The following JMJD1C variants were observed in gnomAD, a reference collection of about 807,000 sequenced individuals.
The protein encoded by JMJD1C is jumonji domain containing 1C, also known as jumonji domain-containing protein 1C.
JMJD1C carries 31 observed loss-of-function variants against 245.3 expected under a neutral mutation model. The observed-to-expected ratio is 0.13, with a 90% CI of 0.09 to 0.17. The LOEUF (loss-of-function observed/expected upper bound fraction) is 0.17, where lower values mean the gene tolerates loss of function less well. JMJD1C is among the 10% of genes least tolerant of loss of function. The pLI is 1.00. For synonymous variants in JMJD1C, 1,057 were observed against 1,017.4 expected, an observed-to-expected ratio of 1.04 and a Z score of -0.74; for missense variants, 2,691 against 3,000.2, an observed-to-expected ratio of 0.90 and a Z score of 2.41.
In JMJD1C at chr10:63,465,921, C is replaced by A. The variant is rs1279306586; in HGVS notation, c.-259G>T. 11 of 605,874 alleles carry A rather than the reference C, an allele frequency of 1.8e-5. 1 individual carries two copies. The highest frequency in any genetic ancestry group is 1.1e-4 in the African/African-American group (6 of 54,874). The allele number at this position is 605,874 out of a possible 1,614,324, so 37.5% of individuals were successfully genotyped here. On this transcript the variant is annotated 5_prime_UTR_variant, in exon 1 of 26. Coordinates refer to ENST00000399262, the MANE Select transcript of JMJD1C (RefSeq NM_032776.3). ...AAGAAAACTGAAACAAAACCCAACG[C>A]GGCCGTCGAAGACCCCGAGGCAGCC...
intron 1 of JMJD1C, among the ~76,000 whole-genome samples, chr10:63,400,102 C>A (rs1328885312): frequency 1.3e-5 from 2 of 152,100 alleles, no homozygotes; most frequent in African/African-American, 4.8e-5. Context: ...GATTTTTATA[C>A]CTACATAATA....
intron 1 of JMJD1C, among the ~76,000 whole-genome samples, chr10:63,389,915 T>C (rs1186258863): frequency 6.6e-6 from 1 of 152,166 alleles, no homozygotes; most frequent in Non-Finnish European, 1.5e-5. Flanking sequence ...TGGAAGTTCA[T>C]AATTAATACC....
At chr10:63,211,899 A>C (rs2133198019) in intron 8 of JMJD1C, among the ~76,000 whole-genome samples, 1 of 151,792 alleles carries the variant, frequency 6.6e-6, no homozygotes, top group South Asian at 2.1e-4. Flanking sequence ...ATTATTCACC[A>C]CAGCCAAGAG....
At chr10:63,391,539 C>CA (rs796538663) in intron 1 of JMJD1C, among the ~76,000 whole-genome samples, 5 of 148,258 alleles carry the variant, frequency 3.4e-5, no homozygotes, top group African/African-American at 4.9e-5. Flanking sequence ...ACAACAACAA[C>CA]AAAAAAGACA....
intron 1 of JMJD1C, among the ~76,000 whole-genome samples, chr10:63,408,318 A>G (rs4746129): frequency 1 from 151,590 of 152,086 alleles, 75,548 homozygotes; most frequent in Middle Eastern, 1. Context: ...CAGGAGAATC[A>G]CTTGAACCTG....
chr10:63,214,586 A>T lies in JMJD1C; in HGVS notation c.1581T>A (p.Ser527Arg), dbSNP rs1232752449. ...TCTGAAGTGTCTGAAGGCCAAAGGT[A>T]CTTGAGTTTTCCTGAGCCACCTTTT... ...NLEKVAQENS[S>R]TFGLQTLQKM... is the part of the protein sequence containing the mutation. Residue 527 changes from serine (S) to arginine (R), a missense_variant, in exon 8 of 26, where the codon AGT becomes AGA. Around this residue, in one of 9 missense-constraint regions of JMJD1C, gnomAD observed 1,562 missense variants for 1,490.7 expected, o/e 1.05. Coordinates refer to ENST00000399262, the MANE Select transcript of JMJD1C (RefSeq NM_032776.3). The T allele has an allele frequency of 6.2e-7, 1 of 1,614,088 alleles. No individual in the cohort carries two copies. The highest frequency in any genetic ancestry group is 1.1e-5 in the South Asian group (1 of 91,074).
intron 2 of JMJD1C, among the ~76,000 whole-genome samples, chr10:63,317,650 A>G (rs1238378266): frequency 6.6e-6 from 1 of 152,158 alleles, no homozygotes; most frequent in Non-Finnish European, 1.5e-5. Flanking sequence ...ATTTAATCAA[A>G]TATTTTCACT....
intron 10 of JMJD1C, chr10:63,204,916 C>A: frequency 1.0e-6 from 1 of 985,438 alleles, no homozygotes; most frequent in Non-Finnish European, 1.2e-6. Flanking sequence ...CTTCAAGCAT[C>A]CAAGTGCTTG....
intron 2 of JMJD1C, among the ~76,000 whole-genome samples, chr10:63,354,042 T>C (rs1390927877): frequency 2.0e-5 from 3 of 152,170 alleles, no homozygotes; most frequent in Non-Finnish European, 2.9e-5. Flanking sequence ...GGTTTCACCA[T>C]GTTGGCCAGG....
intron 1 of JMJD1C, among the ~76,000 whole-genome samples, chr10:63,472,960 T>G (rs571102742): frequency 6.6e-6 from 1 of 152,056 alleles, no homozygotes; most frequent in Non-Finnish European, 1.5e-5. Flanking sequence ...AATTTTTGTA[T>G]TTTTAGTAGA....
chr10:63,446,227 T>C (rs1345714423), intron 1 of JMJD1C, among the ~76,000 whole-genome samples: 2 of 151,964 alleles, frequency 1.3e-5, no homozygotes, highest in African/African-American at 4.8e-5. Flanking sequence ...TCTTGACAGT[T>C]TGGATATGGG....
intron 1 of JMJD1C, among the ~76,000 whole-genome samples, chr10:63,399,112 A>T (rs974793532): frequency 3.9e-5 from 6 of 152,210 alleles, no homozygotes; most frequent in African/African-American, 1.2e-4. Context: ...AAAGCATCAT[A>T]AACTTTCCGG....
intron 1 of JMJD1C, among the ~76,000 whole-genome samples, chr10:63,446,493 T>G (rs1481729073): frequency 6.6e-6 from 1 of 152,138 alleles, no homozygotes; most frequent in African/African-American, 2.4e-5. Context: ...TAGATGGTAT[T>G]AAAGGTTATA....
intron 2 of JMJD1C, among the ~76,000 whole-genome samples, chr10:63,305,461 T>TCTCTCTCTCTCC (rs1937992541): frequency 7.1e-5 from 2 of 28,146 alleles, no homozygotes; most frequent in Admixed American, 1.2e-3. Flanking sequence ...GCTCTGACCC[T>TCTCTCTCTCTCC]CTCTCTCTCT....
chr10:63,329,765 T>C lies in JMJD1C; in HGVS notation c.333+50553A>G, dbSNP rs965915662. 6.6e-5 allele frequency among the ~76,000 whole-genome samples: 10 copies of C among 152,352 alleles called. No homozygotes were observed. In the South Asian group the frequency reaches 1.9e-3, roughly 28 times the overall value. ...ATACACCGTTGATACTCTCTTTCAA[T>C]GTGGGTTAGCAGCAGTAAGCCACAG... On this transcript the variant is annotated intron_variant, in intron 2 of 25. Coordinates refer to ENST00000399262, the MANE Select transcript of JMJD1C (RefSeq NM_032776.3).
intron 3 of JMJD1C, among the ~76,000 whole-genome samples, chr10:63,253,387 C>T (rs1853377367): frequency 6.9e-6 from 1 of 144,008 alleles, no homozygotes; most frequent in East Asian, 2.0e-4. Flanking sequence ...TATATTACAC[C>T]TTTTTTTTTT....
chr10:63,521,335 C>CGGCGGGCAGG (rs1955225776), intron 1 of JMJD1C: 2 of 147,090 alleles, frequency 1.4e-5, no homozygotes, highest in African/African-American at 4.9e-5. Context: ...GCTGCCGGGC[C>CGGCGGGCAGG]GGCGGGCGGG....
chr10:63,390,539 A>C (rs1947972888), intron 1 of JMJD1C, among the ~76,000 whole-genome samples: 1 of 151,086 alleles, frequency 6.6e-6, no homozygotes, highest in African/African-American at 2.4e-5. Flanking sequence ...GGCCAGCATT[A>C]TATTACCCTA....
intron 2 of JMJD1C, among the ~76,000 whole-genome samples, chr10:63,318,499 T>C (rs542017853): frequency 6.6e-6 from 1 of 152,316 alleles, no homozygotes; most frequent in Admixed American, 6.5e-5. Context: ...AATCATGCCC[T>C]TTTCTGCCAT....
Sources: gnomAD v4.1 joint callset for allele counts (sites outside exome capture counted in the v4.1 genomes callset) on GRCh38, gnomAD v4.1.1 for gene constraint, gnomAD v4.1.1 regional missense constraint, MANE v1.5 for transcripts, NCBI Gene and HGNC (gene_info 2026-07-23, HGNC 2026-07-21) for gene names.